Variants in PRDM16 observed in about 807,000 individuals in gnomAD.
PRDM16 encodes PR/SET domain 16.
A neutral mutation model predicts 110.6 loss-of-function variants in PRDM16; 23 were observed. The observed-to-expected ratio is 0.21, with a 90% CI of 0.15 to 0.29. The LOEUF is 0.29. Among genes scored for constraint, PRDM16 ranks in the 10% least tolerant of loss-of-function variants. The pLI is 1.00. For synonymous variants in PRDM16, 799 were observed against 781.8 expected, an observed-to-expected ratio of 1.02 and a Z score of -0.37; for missense variants, 1,615 against 1,794.3, an observed-to-expected ratio of 0.90 and a Z score of 1.81.
intron 1 of PRDM16, among the ~76,000 whole-genome samples, chr1:3,146,950 G>A (rs1388180022): frequency 8.1e-6 from 1 of 123,236 alleles, no homozygotes; most frequent in African/African-American, 3.0e-5. Context: ...TCAGTGTGGG[G>A]GGTATGTGTG....
chr1:3,369,997 G>C (rs1311365666), intron 3 of PRDM16, among the ~76,000 whole-genome samples: 4 of 152,166 alleles, frequency 2.6e-5, no homozygotes, highest in Non-Finnish European at 4.4e-5. Flanking sequence ...CTCCAGCCCG[G>C]CGTGTCACAG....
At position 3,412,296 on chromosome 1, in the gene PRDM16, C is replaced by T. The variant is rs1284574530; in HGVS notation, c.2099C>T (p.Ala700Val). ...TCCATCAAGGCCATCGCATCCATTGCCGAGAAGTACTTTGGCCCCGGCTTC... is the reference window on the plus strand; with the variant it reads ...TCCATCAAGGCCATCGCATCCATTGTCGAGAAGTACTTTGGCCCCGGCTTC... The part of the protein sequence containing the change: ...GDSIKAIASI[A>V]EKYFGPGFMG... The change falls in exon 9 of 17, where the codon GCC becomes GTC. Residue 700 changes from alanine (A) to valine (V), a missense_variant. By Grantham distance (64) the Ala-to-Val change is moderately conservative. Transcript: ENST00000270722. 6.2e-7 allele frequency: 1 copy of T among 1,613,710 alleles called. No homozygotes were observed. Among genetic ancestry groups the T allele is most frequent in the Non-Finnish European group, 8.5e-7 (1 of 1,180,034 alleles).
intron 3 of PRDM16, among the ~76,000 whole-genome samples, chr1:3,328,875 C>A (rs554750352): frequency 6.6e-6 from 1 of 152,276 alleles, no homozygotes; most frequent in South Asian, 2.1e-4. Context: ...AATGCCCACG[C>A]CCTGGACCCC....
At position 3,412,164 on chromosome 1, in the gene PRDM16, C is replaced by T. The variant is rs760432567; in HGVS notation, c.1967C>T (p.Pro656Leu). The change falls in exon 9 of 17, where the codon CCG (proline) becomes CTG (leucine). Residue 656 changes from proline (P) to leucine (L), a missense_variant. Physicochemically the swap from Pro to Leu is moderately conservative, Grantham distance 98 (BLOSUM62 -3). Transcript: ENST00000270722. The stretch of plus-strand genomic sequence containing the variant: ...AAGTTTGGGGGCGGCTTGGCGCCCC[C>T]GGGGGCCCCGAACAGCGTGGCCGAG... Reference protein sequence around the residue: ...QPKFGGGLAPPGAPNSVAEVP... With the variant: ...QPKFGGGLAPLGAPNSVAEVP... The T allele has an allele frequency of 1.1e-5, 18 of 1,570,826 alleles. No homozygotes were observed. Among genetic ancestry groups the T allele is most frequent in the East Asian group, 4.5e-5 (2 of 44,346 alleles).
At chr1:3,396,356 C>T (rs1437095760) in intron 4 of PRDM16, 135 bp from the exon 5 acceptor site, 2 of 709,116 alleles carry the variant, frequency 2.8e-6, no homozygotes, top group Non-Finnish European at 5.2e-6. Flanking sequence ...ATAGTGGACC[C>T]TCTTGGTGGC....
At chr1:3,335,444 G>A (rs997683454) in intron 3 of PRDM16, among the ~76,000 whole-genome samples, 2 of 152,156 alleles carry the variant, frequency 1.3e-5, no homozygotes, top group African/African-American at 2.4e-5. Context: ...TAGCCCGGTC[G>A]CGTTAGCACG....
chr1:3,156,948 G>T (rs1489445461), intron 1 of PRDM16, among the ~76,000 whole-genome samples: 1 of 152,250 alleles, frequency 6.6e-6, no homozygotes, highest in Non-Finnish European at 1.5e-5. Context: ...CTCCCAGCGT[G>T]TCAGGACGGA....
At chr1:3,274,098 G>C (rs1310852941) in intron 3 of PRDM16, among the ~76,000 whole-genome samples, 1 of 151,322 alleles carries the variant, frequency 6.6e-6, no homozygotes, top group Non-Finnish European at 1.5e-5. Context: ...CCCTAAGAAA[G>C]AAGGGAGGAA....
intron 2 of PRDM16, among the ~76,000 whole-genome samples, chr1:3,241,334 G>A (rs1188446645): frequency 1.3e-5 from 2 of 152,254 alleles, no homozygotes; most frequent in Non-Finnish European, 2.9e-5. Flanking sequence ...GTTCCACGCT[G>A]GGCTCCGGGG....
chr1:3,157,208 A>G lies in PRDM16; in HGVS notation c.38-28917A>G, dbSNP rs1643865994. On this transcript the variant is annotated intron_variant, in intron 1 of 16. Transcript: ENST00000270722. The surrounding 1 kb of genome is among the most constrained non-coding windows in gnomAD (Gnocchi z 4.8). ...CGCTCGGCAACCGCTGAGCCGGCGC[A>G]AGAGCTCAGGCCCTCAGGGAGCGTG... 6.6e-6 allele frequency among the ~76,000 whole-genome samples: 1 copy of G among 152,190 alleles called. No homozygotes were observed. The highest frequency in any genetic ancestry group is 1.5e-5 in the Non-Finnish European group (1 of 68,022).
At chr1:3,105,753 G>A (rs1557449343) in intron 1 of PRDM16, among the ~76,000 whole-genome samples, 1 of 152,216 alleles carries the variant, frequency 6.6e-6, no homozygotes, top group Non-Finnish European at 1.5e-5. Context: ...CGCTCCGCTG[G>A]CCTCGCCTCC....
intron 1 of PRDM16, among the ~76,000 whole-genome samples, chr1:3,172,515 G>A (rs1264701029): frequency 2.0e-5 from 3 of 152,210 alleles, no homozygotes; most frequent in African/African-American, 7.2e-5. Context: ...ACAGTGGCGT[G>A]TGCTTCACTG....
At chr1:3,203,516 C>G (rs1208362856) in intron 2 of PRDM16, among the ~76,000 whole-genome samples, 1 of 151,932 alleles carries the variant, frequency 6.6e-6, no homozygotes, top group East Asian at 2.0e-4. Context: ...GCCAGAAGCC[C>G]CTGATGGAGG....
intron 1 of PRDM16, among the ~76,000 whole-genome samples, chr1:3,179,325 G>A (rs2100775200): frequency 6.6e-6 from 1 of 152,370 alleles, no homozygotes; most frequent in Middle Eastern, 3.4e-3. Flanking sequence ...TCAGGGGCAG[G>A]GAGCGTGGAC....
intron 3 of PRDM16, among the ~76,000 whole-genome samples, chr1:3,279,240 A>C (rs575458008): frequency 1.3e-5 from 2 of 152,350 alleles, no homozygotes; most frequent in Non-Finnish European, 1.5e-5. Context: ...GGCTCAGCAG[A>C]AGCCCTGCAG....
chr1:3,101,473 C>T (rs1642532378), intron 1 of PRDM16, among the ~76,000 whole-genome samples: 1 of 152,258 alleles, frequency 6.6e-6, no homozygotes, highest in African/African-American at 2.4e-5. Context: ...GAGCGGACGT[C>T]CCAGCACCTT....
chr1:3,070,520 C>T (rs1641725082), intron 1 of PRDM16, among the ~76,000 whole-genome samples: 1 of 150,312 alleles, frequency 6.7e-6, no homozygotes, highest in Non-Finnish European at 1.5e-5. Flanking sequence ...CTCCCGCCGC[C>T]CCCTCCTCTG....
In PRDM16 at chr1:3,370,912, A is replaced by G. The variant is rs1324545677; in HGVS notation, c.439-14240A>G. On this transcript the variant is annotated intron_variant, in intron 3 of 16. Coordinates refer to ENST00000270722, the MANE Select transcript of PRDM16 (RefSeq NM_022114.4). The surrounding 1 kb of genome is among the most constrained non-coding windows in gnomAD (Gnocchi z 4.8). ...CCACCATCCATTCATCCATCCATCC[A>G]TCCATGCATCCACTGAATAATCCAC... Among the ~76,000 whole-genome samples the G allele has an allele frequency of 2.0e-5, 3 of 148,724 alleles. No individual in the cohort carries two copies. Among genetic ancestry groups the G allele is most frequent in the Non-Finnish European group, 4.5e-5 (3 of 67,336 alleles).
chr1:3,185,352 C>T (rs549472055), intron 1 of PRDM16, among the ~76,000 whole-genome samples: 11 of 152,338 alleles, frequency 7.2e-5, no homozygotes, highest in East Asian at 1.9e-4. Flanking sequence ...TCCATGACCT[C>T]AGCAGGCCTG....
Sources: allele counts gnomAD v4.1 joint callset (sites outside exome capture counted in the v4.1 genomes callset), GRCh38; gene constraint gnomAD v4.1.1; non-coding constraint Gnocchi (gnomAD v3.1); transcripts MANE v1.5; gene names NCBI Gene and HGNC (gene_info 2026-07-23, HGNC 2026-07-21).